Variants in KSR2 observed in about 807,000 individuals in gnomAD.
KSR2 encodes kinase suppressor of ras 2.
Under a neutral mutation model 107.8 loss-of-function variants are expected in KSR2, and 25 were observed. The ratio of observed to expected loss-of-function variants is 0.23; its 90% CI spans 0.17 to 0.32. The LOEUF (loss-of-function observed/expected upper bound fraction) is 0.32, where lower values mean the gene tolerates loss of function less well. Among genes scored for constraint, KSR2 ranks in the 10% least tolerant of loss-of-function variants. The probability of loss-of-function intolerance (pLI) is 1.00; values close to 1 mark genes in which losing one functional copy is unlikely to be tolerated. For synonymous variants in KSR2, 480 were observed against 507.0 expected (o/e 0.95, Z 0.71); for missense variants, 887 against 1,268.9 (o/e 0.70, Z 4.57).
chr12:117,694,998 A>G (rs1050724023), intron 4 of KSR2, among the ~76,000 whole-genome samples: 7 of 151,768 alleles, frequency 4.6e-5, no homozygotes, highest in African/African-American at 7.3e-5. Flanking sequence ...CGACAGGTGC[A>G]CGCCACCACA....
intron 5 of KSR2, among the ~76,000 whole-genome samples, chr12:117,636,139 TC>T (rs1377050044): frequency 1.3e-5 from 2 of 152,138 alleles, no homozygotes; most frequent in Non-Finnish European, 1.5e-5. Flanking sequence ...ATTTTACTCA[TC>T]TTCCACTAAT....
intron 16 of KSR2, 104 bp downstream of exon 16, chr12:117,484,312 A>C: frequency 7.4e-7 from 1 of 1,351,246 alleles, no homozygotes; most frequent in East Asian, 2.5e-5. Context: ...CAGCAACCTC[A>C]GGACCAACCC....
At chr12:117,953,761 T>C (rs1896432305) in intron 1 of KSR2, among the ~76,000 whole-genome samples, 1 of 152,152 alleles carries the variant, frequency 6.6e-6, no homozygotes, top group African/African-American at 2.4e-5. Context: ...ACATTATAAG[T>C]GTACTTAAGG....
At position 117,669,919 on chromosome 12, in the gene KSR2, G is replaced by A. The variant is rs549504663; in HGVS notation, c.987-2261C>T. Among the ~76,000 whole-genome samples, 10 of 151,560 alleles carry A rather than the reference G, an allele frequency of 6.6e-5. No individual in the cohort carries two copies. In the South Asian group the frequency reaches 2.1e-3, roughly 32 times the overall value. ...AATTTAAAAATGATAAAGAAAGTGA[G>A]GGGCTTAGCAATTATTCACAGTCTG... On this transcript the variant is annotated intron_variant, in intron 4 of 19. Transcript: ENST00000339824.
rs571136550 is a variant in KSR2, at chr12:117,749,039, C to T, written c.986+11972G>A. Reference sequence around the variant, plus strand: ...TGCACTAGCTCTTGTCCTTCAGCAACTGAAGGTTGTTCCCAAGGACAACAC... The same window carrying T: ...TGCACTAGCTCTTGTCCTTCAGCAATTGAAGGTTGTTCCCAAGGACAACAC... On this transcript the variant is annotated intron_variant, in intron 4 of 19. Transcript: ENST00000339824. Among the ~76,000 whole-genome samples, 75 of 150,296 alleles carry T rather than the reference C, an allele frequency of 5.0e-4. 2 individuals are homozygous for T. The South Asian group carries it at 7.7e-3, about 15-fold the overall frequency.
At chr12:117,779,708 C>A (rs1231094585) in intron 3 of KSR2, among the ~76,000 whole-genome samples, 3 of 152,202 alleles carry the variant, frequency 2.0e-5, no homozygotes, top group African/African-American at 7.2e-5. Context: ...TGTCCTCTCT[C>A]TTTCCTGCCG....
At chr12:117,511,589 TA>T (rs1184974620) in intron 14 of KSR2, among the ~76,000 whole-genome samples, 3 of 152,192 alleles carry the variant, frequency 2.0e-5, no homozygotes, top group Non-Finnish European at 4.4e-5. Context: ...TTCTCATCTG[TA>T]AAACAGGATA....
intron 13 of KSR2, among the ~76,000 whole-genome samples, chr12:117,525,842 C>G (rs1354696124): frequency 6.6e-6 from 1 of 152,132 alleles, no homozygotes; most frequent in Non-Finnish European, 1.5e-5. Flanking sequence ...AGCTAGCTGT[C>G]TGAGGCTCCT....
rs1239099661 is a variant in KSR2 at position 117,456,211 on chromosome 12, CCCCT to C, written c.*10984_*10987del. On this transcript the variant is annotated 3_prime_UTR_variant, in exon 20 of 20. Coordinates refer to ENST00000339824, the MANE Select transcript of KSR2 (RefSeq NM_173598.6). ...TGGGCAGAAGCCTGACCAAGGACAG[CCCCT>C]CCCTTAATGCTCCAGTCGAGCCAGG... is the stretch of plus-strand genomic sequence containing the variant. 1 of 152,236 alleles carries C rather than the reference CCCCT, an allele frequency of 6.6e-6. No homozygotes were observed. Among genetic ancestry groups the C allele is most frequent in the African/African-American group, 2.4e-5 (1 of 41,438 alleles). 9.4% of individuals were successfully genotyped at this position (152,236 alleles called of 1,614,324 possible). A position where few individuals can be genotyped will look rare whatever the true frequency, so the allele number is the denominator to read the frequency against.
At chr12:117,794,655 ACT>A (rs914699861) in intron 3 of KSR2, among the ~76,000 whole-genome samples, 26 of 147,664 alleles carry the variant, frequency 1.8e-4, no homozygotes, top group Admixed American at 3.4e-4. Flanking sequence ...CACTCAAAAC[ACT>A]CACACCAATA....
Position 117,555,219 on chromosome 12 carries a change from A to G in KSR2, c.1468T>C (p.Ser490Pro). 2.5e-6 allele frequency: 4 copies of G among 1,613,934 alleles called. No homozygotes were observed. The highest frequency in any genetic ancestry group is 3.4e-6 in the Non-Finnish European group (4 of 1,179,878). Reference protein sequence around the residue: ...NNPLRKPPRYSDLHISQTLPK... With the variant: ...NNPLRKPPRYPDLHISQTLPK... ...AGCGTCTGACTGATGTGCAGGTCTG[A>G]ATAGCGAGGTGGCTTCCGTAGAGGG... is the stretch of plus-strand genomic sequence containing the variant. Residue 490 changes from serine (S) to proline (P), a missense_variant, in exon 9 of 20, where the codon TCA becomes CCA. By Grantham distance (74) the Ser-to-Pro change is moderately conservative. Around this residue, in one of 8 missense-constraint regions of KSR2, gnomAD observed 60 missense variants for 77.5 expected, o/e 0.77. Transcript: ENST00000339824.
intron 1 of KSR2, among the ~76,000 whole-genome samples, chr12:117,893,692 C>A (rs553871845): frequency 6.6e-6 from 1 of 152,214 alleles, no homozygotes; most frequent in Non-Finnish European, 1.5e-5. Flanking sequence ...TAGGAGTACC[C>A]AGAACTACCA....
chr12:117,511,875 C>T (rs1457865891), intron 14 of KSR2, among the ~76,000 whole-genome samples: 3 of 152,160 alleles, frequency 2.0e-5, no homozygotes, highest in East Asian at 1.9e-4. Context: ...CCTGTCTCAG[C>T]GACCCCACAC....
intron 4 of KSR2, among the ~76,000 whole-genome samples, chr12:117,673,127 C>T (rs1269636894): frequency 6.6e-6 from 1 of 152,156 alleles, no homozygotes; most frequent in Non-Finnish European, 1.5e-5. Flanking sequence ...GCTCAATGAC[C>T]TCAGAGTCAA....
At chr12:117,578,410 A>C (rs927903077) in intron 7 of KSR2, among the ~76,000 whole-genome samples, 2 of 152,062 alleles carry the variant, frequency 1.3e-5, no homozygotes, top group African/African-American at 4.8e-5. Flanking sequence ...CCTGGCCAAC[A>C]TGGTAAATCC....
intron 1 of KSR2, among the ~76,000 whole-genome samples, chr12:117,921,479 T>C (rs1157350115): frequency 1.3e-5 from 2 of 152,120 alleles, no homozygotes; most frequent in Non-Finnish European, 2.9e-5. Flanking sequence ...GGTCTCAAAC[T>C]CCTGGCCTCA....
At chr12:117,923,667 A>ATG (rs530388125) in intron 1 of KSR2, among the ~76,000 whole-genome samples, 3,607 of 150,834 alleles carry the variant, frequency 0.024, 67 homozygotes, top group Non-Finnish European at 0.031. Context: ...TAAAATATAT[A>ATG]TGTGTGTGTG....
chr12:117,876,463 GC>G (rs1209068052), intron 1 of KSR2, among the ~76,000 whole-genome samples: 2 of 152,166 alleles, frequency 1.3e-5, no homozygotes, highest in Admixed American at 6.5e-5. Flanking sequence ...GGAAGGAAGA[GC>G]CCCCCTCTCC....
intron 9 of KSR2, among the ~76,000 whole-genome samples, chr12:117,554,957 C>T (rs1253312301): frequency 6.6e-6 from 1 of 152,142 alleles, no homozygotes; most frequent in African/African-American, 2.4e-5. Context: ...TCCGACATGC[C>T]CTCTTTCTAA....
Sources: allele counts gnomAD v4.1 joint callset (sites outside exome capture counted in the v4.1 genomes callset), GRCh38; gene constraint gnomAD v4.1.1; regional missense constraint gnomAD v4.1.1; transcripts MANE v1.5; gene names NCBI Gene and HGNC (gene_info 2026-07-23, HGNC 2026-07-21).